Variants in DUSP16 observed in about 807,000 individuals in gnomAD.
The protein encoded by DUSP16 is dual specificity protein phosphatase 16.
DUSP16 carries 21 observed loss-of-function variants against 58.3 expected under a neutral mutation model. The ratio of observed to expected loss-of-function variants is 0.36; its 90% confidence interval spans 0.26 to 0.52. DUSP16 has a LOEUF of 0.52. Ranked by LOEUF, DUSP16 falls within the 20% of genes least tolerant of loss-of-function variation. The probability of loss-of-function intolerance (pLI) is 0.94; values close to 1 mark genes in which losing one functional copy is unlikely to be tolerated. For synonymous variants in DUSP16, 320 were observed against 323.8 expected (o/e 0.99, Z 0.12); for missense variants, 726 against 819.0 (o/e 0.89, Z 1.39).
At chr12:12,530,127 C>T (rs1944364048) in intron 1 of DUSP16, among the ~76,000 whole-genome samples, 1 of 151,984 alleles carries the variant, frequency 6.6e-6, no homozygotes, top group South Asian at 2.1e-4. Flanking sequence ...TTCATATTTC[C>T]ACTAACAGTG....
In DUSP16 at chr12:12,474,027, A is replaced by C. The variant is rs151038965; in HGVS notation, c.*2806T>G. 8.1e-4 allele frequency among the ~76,000 whole-genome samples: 124 copies of C among 152,316 alleles called. 1 individual carries two copies. The highest frequency in any genetic ancestry group is 2.8e-3 in the African/African-American group (117 of 41,556). ...AGTAAAGAATGAAGGCTGGCACTAA[A>C]CTGTTAGCTAATCATCCGGTGTTCC... On this transcript the variant is annotated 3_prime_UTR_variant, in exon 7 of 7. Coordinates refer to ENST00000298573, the MANE Select transcript of DUSP16 (RefSeq NM_030640.3).
chr12:12,551,227 G>C (rs1944721185), intron 1 of DUSP16, among the ~76,000 whole-genome samples: 2 of 151,784 alleles, frequency 1.3e-5, no homozygotes, highest in Admixed American at 1.3e-4. Context: ...TTGGGCTGCT[G>C]GCCGTGGCTC....
chr12:12,489,051 G>C (rs530271810), intron 4 of DUSP16, among the ~76,000 whole-genome samples: 2 of 152,316 alleles, frequency 1.3e-5, no homozygotes, highest in South Asian at 2.1e-4. Context: ...TTGCACTCCA[G>C]CCTGGGCAAC....
At position 12,526,689 on chromosome 12, in the gene DUSP16, C is replaced by T. The variant is rs193212543; in HGVS notation, c.-365-5226G>A. 3.1e-4 allele frequency among the ~76,000 whole-genome samples: 47 copies of T among 152,304 alleles called. 1 individual carries two copies. Among genetic ancestry groups the T allele is most frequent in the Admixed American group, 2.6e-3 (40 of 15,294 alleles). On this transcript the variant is annotated intron_variant, in intron 1 of 6. Transcript: ENST00000298573. ...TTTACGTGATTATATTAAGGATCTT[C>T]TTCTGCTTCCCAGATGATTTTTCTC...
rs1050319720 is a variant in DUSP16, at chr12:12,475,215, G to GACAAC, written c.*1613_*1617dup. The GACAAC allele has an allele frequency of 3.3e-5, 5 of 152,192 alleles. No individual in the cohort carries two copies. Among genetic ancestry groups the GACAAC allele is most frequent in the Admixed American group, 1.3e-4 (2 of 15,278 alleles). The allele number at this position is 152,192 out of a possible 1,614,324, so 9.4% of individuals were successfully genotyped here. A position where few individuals can be genotyped will look rare whatever the true frequency, so the allele number is the denominator to read the frequency against. ...CACTTACAGGAAGGGAAAGAACAAT[G>GACAAC]ACAACACCCGCCCAGCCCCACCCCC... On this transcript the variant is annotated 3_prime_UTR_variant, in exon 7 of 7. Transcript: ENST00000298573.
Position 12,475,295 on chromosome 12 carries a change from T to C in DUSP16, c.*1538A>G, listed in dbSNP as rs1158746999. The C allele has an allele frequency of 2.0e-5, 3 of 151,174 alleles. No homozygotes were observed. The highest frequency in any genetic ancestry group is 4.4e-5 in the Non-Finnish European group (3 of 67,886). The allele number at this position is 151,174 out of a possible 1,614,324, so 9.4% of individuals were successfully genotyped here. ...AAAAGAGGACCCACATTGTAGCTGATAAAACTCAAGCCAGGAGGATGTTTG... is the reference window on the plus strand; with the variant it reads ...AAAAGAGGACCCACATTGTAGCTGACAAAACTCAAGCCAGGAGGATGTTTG... On this transcript the variant is annotated 3_prime_UTR_variant, in exon 7 of 7. Coordinates refer to ENST00000298573, the MANE Select transcript of DUSP16 (RefSeq NM_030640.3).
In DUSP16 at chr12:12,480,109, A is replaced by G. The variant is rs147500389; in HGVS notation, c.815+114T>C. Reference sequence around the variant, plus strand: ...TTAAAAAATCCACAGTAACCTGTAAAAAATGTGACTAAAATAATCATGATC... The same window carrying G: ...TTAAAAAATCCACAGTAACCTGTAAGAAATGTGACTAAAATAATCATGATC... On this transcript the variant is annotated intron_variant, in intron 6 of 6. Transcript: ENST00000298573. 134 of 1,398,980 alleles carry G rather than the reference A, an allele frequency of 9.6e-5. No individual in the cohort carries two copies. In the African/African-American group the frequency reaches 1.3e-3, roughly 13 times the overall value. The allele number at this position is 1,398,980 out of a possible 1,614,324, so 86.7% of individuals were successfully genotyped here.
At chr12:12,502,517 C>T (rs1187804201) in intron 3 of DUSP16, among the ~76,000 whole-genome samples, 1 of 151,490 alleles carries the variant, frequency 6.6e-6, no homozygotes, top group African/African-American at 2.4e-5. Context: ...CACAGGCCCT[C>T]AGGATACCTG....
chr12:12,480,236 C>T lies in DUSP16; in HGVS notation c.802G>A (p.Asp268Asn). The T allele has an allele frequency of 2.5e-6, 4 of 1,614,134 alleles. No homozygotes were observed. The highest frequency in any genetic ancestry group is 3.4e-6 in the Non-Finnish European group (4 of 1,179,996). The change falls in exon 6 of 7, where the codon GAT becomes AAT. Residue 268 changes from aspartate (D) to asparagine (N), a missense_variant. Transcript: ENST00000298573. ...YIMKRMDMSL[D>N]EAYRFVKEKR... ...TCCTGCCCTCACCTGTAAGCTTCAT[C>T]TAAAGACATGTCCATCCTCTTCATG...
chr12:12,507,582 A>T (rs139396634), intron 3 of DUSP16, among the ~76,000 whole-genome samples: 1 of 152,240 alleles, frequency 6.6e-6, no homozygotes, highest in East Asian at 1.9e-4. Flanking sequence ...ATGGTTTCAC[A>T]GTTTTTGAAC....
chr12:12,521,062 C>T lies in DUSP16; in HGVS notation c.37G>A (p.Glu13Lys). 6.2e-7 allele frequency: 1 copy of T among 1,614,176 alleles called. No individual in the cohort carries two copies. The highest frequency in any genetic ancestry group is 8.5e-7 in the Non-Finnish European group (1 of 1,180,034). The change falls in exon 2 of 7, where the codon GAG becomes AAG. Residue 13 changes from glutamate (E) to lysine (K), a missense_variant. Transcript: ENST00000298573. ...HEMIGTQIVT[E>K]RLVALLESGT... The stretch of plus-strand genomic sequence containing the variant: ...CTTTCCAGCAGAGCCACCAACCTCT[C>T]AGTAACAATTTGAGTTCCAATCATC...
chr12:12,514,943 G>A (rs1358257758), intron 3 of DUSP16, among the ~76,000 whole-genome samples: 1 of 152,124 alleles, frequency 6.6e-6, no homozygotes, highest in Non-Finnish European at 1.5e-5. Context: ...ACAGGCATAA[G>A]CCACCATGCC....
At chr12:12,509,056 G>T (rs1592183168) in intron 3 of DUSP16, among the ~76,000 whole-genome samples, 1 of 152,094 alleles carries the variant, frequency 6.6e-6, no homozygotes, top group Admixed American at 6.5e-5. Flanking sequence ...TTTTAAATTG[G>T]CAATACATAA....
intron 4 of DUSP16, among the ~76,000 whole-genome samples, chr12:12,491,840 C>T (rs1943764107): frequency 6.6e-6 from 1 of 152,164 alleles, no homozygotes; most frequent in Admixed American, 6.5e-5. Flanking sequence ...CTTTCCAGCT[C>T]ACTCAAGATC....
chr12:12,555,628 T>C, intron 1 of DUSP16, among the ~76,000 whole-genome samples: 1 of 152,192 alleles, frequency 6.6e-6, no homozygotes, highest in East Asian at 1.9e-4. Flanking sequence ...CACCCCAACA[T>C]ACATAGACAT....
chr12:12,521,267 G>C lies in DUSP16; in HGVS notation c.-169C>G, dbSNP rs1172358476. The C allele has an allele frequency of 6.9e-7, 1 of 1,443,874 alleles. No homozygotes were observed. The highest frequency in any genetic ancestry group is 2.5e-5 in the East Asian group (1 of 40,006). The allele number at this position is 1,443,874 out of a possible 1,614,324, so 89.4% of individuals were successfully genotyped here. A position where few individuals can be genotyped will look rare whatever the true frequency, so the allele number is the denominator to read the frequency against. ...CCCATTTTCAGCAAGAGCCCTCCAA[G>C]TGAATGTCTCTTTCTCTTTCCCGTT... is the stretch of plus-strand genomic sequence containing the variant. On this transcript the variant is annotated 5_prime_UTR_variant, in exon 2 of 7. Transcript: ENST00000298573.
At chr12:12,544,821 A>G (rs1411283532) in intron 1 of DUSP16, among the ~76,000 whole-genome samples, 2 of 152,200 alleles carry the variant, frequency 1.3e-5, no homozygotes, top group African/African-American at 4.8e-5. Flanking sequence ...AGCAAGGACC[A>G]AAATTAGTTT....
At chr12:12,526,422 T>C (rs1027066724) in intron 1 of DUSP16, among the ~76,000 whole-genome samples, 1 of 152,226 alleles carries the variant, frequency 6.6e-6, no homozygotes, top group Non-Finnish European at 1.5e-5. Flanking sequence ...TATCCAACTC[T>C]GCACAAATAC....
chr12:12,477,712 G>A lies in DUSP16; in HGVS notation c.1119C>T (p.Asp373=), dbSNP rs370672836. ...CACTGAGCGCCTGTACCAGCGGGCT[G>A]TCCTCTAACAGCGACGGCTGCACGC... ...VPSVQPSLLE[D]SPLVQALSGL... Residue 373 remains aspartate, a synonymous_variant, in exon 7 of 7, where the codon GAC becomes GAT. Coordinates refer to ENST00000298573, the MANE Select transcript of DUSP16 (RefSeq NM_030640.3). This position sits in a 1 kb window ranked among gnomAD's most constrained non-coding sequence, Gnocchi z 4.1. 5 of 1,612,780 alleles carry A rather than the reference G, an allele frequency of 3.1e-6. No homozygotes were observed. Among genetic ancestry groups the A allele is most frequent in the Non-Finnish European group, 4.2e-6 (5 of 1,179,380 alleles).
Sources: gnomAD v4.1 joint callset for allele counts (sites outside exome capture counted in the v4.1 genomes callset) on GRCh38, gnomAD v4.1.1 for gene constraint, Gnocchi (gnomAD v3.1) non-coding constraint, MANE v1.5 for transcripts, NCBI Gene and HGNC (gene_info 2026-07-23, HGNC 2026-07-21) for gene names.